The following CRACDL variants were observed in gnomAD, a reference collection of about 807,000 sequenced individuals.
CRACDL encodes CRACD like.
CRACDL carries 26 observed loss-of-function variants against 70.6 expected under a neutral mutation model. That is an observed-to-expected ratio of 0.37 (90% CI 0.27 to 0.51). CRACDL has a LOEUF of 0.51. CRACDL is among the 20% of genes least tolerant of loss of function. The pLI is 0.94. For synonymous variants in CRACDL, 618 were observed against 615.2 expected, an observed-to-expected ratio of 1.00 and a Z score of -0.07; for missense variants, 1,283 against 1,376.9, an observed-to-expected ratio of 0.93 and a Z score of 1.08.
intron 7 of CRACDL, among the ~76,000 whole-genome samples, chr2:98,802,713 C>T (rs1396053476): frequency 6.6e-6 from 1 of 152,176 alleles, no homozygotes; most frequent in African/African-American, 2.4e-5. Flanking sequence ...AGGGTGGGAC[C>T]CCAATGGTGG....
intron 1 of CRACDL, among the ~76,000 whole-genome samples, chr2:98,870,237 T>C (rs1375225805): frequency 6.6e-6 from 1 of 152,224 alleles, no homozygotes; most frequent in Non-Finnish European, 1.5e-5. Flanking sequence ...GATTCTATGT[T>C]AGTAAAACTC....
intron 2 of CRACDL, among the ~76,000 whole-genome samples, chr2:98,842,736 A>G (rs1044654770): frequency 1.3e-5 from 2 of 152,194 alleles, no homozygotes; most frequent in Non-Finnish European, 2.9e-5. Context: ...TACCAGATCA[A>G]TAGCCTATTC....
rs199871335 is a variant in CRACDL, at chr2:98,926,007, A to AT, written c.-11+9930dup. On this transcript the variant is annotated intron_variant, in intron 1 of 9. Transcript: ENST00000397899. ...TTTATATGCTACAAAAAATAACTGTATTTTTTTACAATTTTTAAGATCTCA... is the reference window on the plus strand; with the variant it reads ...TTTATATGCTACAAAAAATAACTGTATTTTTTTTACAATTTTTAAGATCTCA... Among the ~76,000 whole-genome samples, 1,211 of 152,262 alleles carry AT rather than the reference A, an allele frequency of 8.0e-3. 14 individuals carry two copies. Among genetic ancestry groups the AT allele is most frequent in the African/African-American group, 0.025 (1,026 of 41,544 alleles).
At chr2:98,882,319 C>T (rs1418640541) in intron 1 of CRACDL, among the ~76,000 whole-genome samples, 1 of 152,210 alleles carries the variant, frequency 6.6e-6, no homozygotes, top group African/African-American at 2.4e-5. Flanking sequence ...CATAGTATGG[C>T]CCAAGACAGA....
chr2:98,915,056 T>A (rs1708634543), intron 1 of CRACDL, among the ~76,000 whole-genome samples: 1 of 152,106 alleles, frequency 6.6e-6, no homozygotes, highest in African/African-American at 2.4e-5. Flanking sequence ...CCTGCCAGTA[T>A]GAGTGGTTTT....
chr2:98,900,633 G>A (rs1041952046), intron 1 of CRACDL, among the ~76,000 whole-genome samples: 6 of 152,124 alleles, frequency 3.9e-5, no homozygotes, highest in African/African-American at 1.2e-4. Context: ...GTGCGTGCAG[G>A]TGTGTGTGCA....
chr2:98,841,101 G>A (rs1323137946), intron 2 of CRACDL, among the ~76,000 whole-genome samples: 1 of 152,132 alleles, frequency 6.6e-6, no homozygotes, highest in Admixed American at 6.5e-5. Context: ...AATCTGTGTA[G>A]CTACACCATC....
At chr2:98,854,212 C>T (rs778054099) in intron 1 of CRACDL, among the ~76,000 whole-genome samples, 5 of 133,632 alleles carry the variant, frequency 3.7e-5, no homozygotes, top group Non-Finnish European at 7.6e-5. Context: ...ACCCGGGAGG[C>T]AGAAGTTGCA....
At position 98,796,044 on chromosome 2, in the gene CRACDL, A is replaced by C. The variant is rs889238601; in HGVS notation, c.2749+76T>G. On this transcript the variant is annotated intron_variant, in intron 9 of 9. Transcript: ENST00000397899. ...GCAAGTAATTTGCAAAAACCAAACC[A>C]AACCAAAACTCAAACTGCAGGAACG... is the stretch of plus-strand genomic sequence containing the variant. 4.4e-5 allele frequency: 66 copies of C among 1,504,240 alleles called. 1 individual carries two copies. The highest frequency in any genetic ancestry group is 5.7e-5 in the Non-Finnish European group (62 of 1,082,894). The allele number at this position is 1,504,240 out of a possible 1,614,324, so 93.2% of individuals were successfully genotyped here. A position where few individuals can be genotyped will look rare whatever the true frequency, so the allele number is the denominator to read the frequency against.
intron 7 of CRACDL, among the ~76,000 whole-genome samples, chr2:98,806,427 A>C (rs749667628): frequency 1.1e-4 from 17 of 152,266 alleles, no homozygotes; most frequent in Non-Finnish European, 1.5e-4. Context: ...ACAGCTGCCC[A>C]GCACTTGGCA....
chr2:98,795,077 A>ATATATATATATATATATATTTT, intron 9 of CRACDL, among the ~76,000 whole-genome samples: 1 of 58,490 alleles, frequency 1.7e-5, no homozygotes, highest in African/African-American at 6.6e-5. Context: ...ATATATATAT[A>ATATATATATATATATATATTTT]TTTTTTTTTT....
At chr2:98,896,682 G>T (rs1055665834) in intron 1 of CRACDL, among the ~76,000 whole-genome samples, 1 of 152,186 alleles carries the variant, frequency 6.6e-6, no homozygotes, top group Non-Finnish European at 1.5e-5. Flanking sequence ...CGTCTGGAGG[G>T]AGGGCTGGGG....
At chr2:98,814,634 T>C (rs936529712) in intron 7 of CRACDL, among the ~76,000 whole-genome samples, 9 of 152,204 alleles carry the variant, frequency 5.9e-5, no homozygotes, top group African/African-American at 2.2e-4. Context: ...ACATGTATTC[T>C]GCTGTGGCTG....
intron 1 of CRACDL, among the ~76,000 whole-genome samples, chr2:98,879,701 G>A (rs1014433610): frequency 7.2e-5 from 11 of 152,038 alleles, no homozygotes; most frequent in Admixed American, 1.3e-4. Flanking sequence ...GCACACTGCC[G>A]TGCCCAGCTA....
intron 6 of CRACDL, among the ~76,000 whole-genome samples, chr2:98,826,224 G>T (rs573058361): frequency 5.3e-5 from 8 of 152,150 alleles, no homozygotes; most frequent in Non-Finnish European, 7.4e-5. Context: ...CCCAAAGAGG[G>T]GTCTGTCTTT....
At chr2:98,891,389 A>AAAAAAAAAAAAAAAAC (rs1463707391) in intron 1 of CRACDL, among the ~76,000 whole-genome samples, 1 of 148,768 alleles carries the variant, frequency 6.7e-6, no homozygotes, top group African/African-American at 2.5e-5. Flanking sequence ...AAAAAAAAAA[A>AAAAAAAAAAAAAAAAC]AAAAAAAAAA....
chr2:98,811,142 T>C (rs577686906), intron 7 of CRACDL, among the ~76,000 whole-genome samples: 4 of 152,226 alleles, frequency 2.6e-5, no homozygotes, highest in African/African-American at 9.6e-5. Flanking sequence ...GGTGGTGCGG[T>C]TCCCCCTGGG....
intron 7 of CRACDL, among the ~76,000 whole-genome samples, chr2:98,800,016 A>C (rs186293429): frequency 9.5e-4 from 144 of 152,274 alleles, no homozygotes; most frequent in Non-Finnish European, 1.6e-3. Context: ...GAATTGCTGA[A>C]ATTACTAATA....
At chr2:98,892,643 T>A (rs1708008553) in intron 1 of CRACDL, among the ~76,000 whole-genome samples, 1 of 151,294 alleles carries the variant, frequency 6.6e-6, no homozygotes, top group Non-Finnish European at 1.5e-5. Context: ...TGAGCCAAGA[T>A]CACACCACTG....
Sources: allele counts gnomAD v4.1 joint callset (sites outside exome capture counted in the v4.1 genomes callset), GRCh38; gene constraint gnomAD v4.1.1; transcripts MANE v1.5; gene names NCBI Gene and HGNC (gene_info 2026-07-23, HGNC 2026-07-21).